Variants in ZMPSTE24 observed in about 807,000 individuals in gnomAD.
ZMPSTE24 encodes CAAX prenyl protease 1 homolog.
Under a neutral mutation model 56.7 loss-of-function variants are expected in ZMPSTE24, and 48 were observed. The observed-to-expected ratio is 0.85, with a 90% confidence interval of 0.67 to 1.08. The LOEUF is 1.08. ZMPSTE24 is among the 50% of genes least tolerant of loss of function. The pLI, the probability that ZMPSTE24 is intolerant of heterozygous loss-of-function variation, is 0.00. For synonymous variants in ZMPSTE24, 172 were observed against 195.2 expected (o/e 0.88, Z 0.99); for missense variants, 503 against 548.7 (o/e 0.92, Z 0.83).
In ZMPSTE24 at chr1:40,271,995, G is replaced by C. The variant is rs757089098; in HGVS notation, c.729G>C (p.Lys243Asn). 9 of 1,613,044 alleles carry C rather than the reference G, an allele frequency of 5.6e-6. No individual in the cohort carries two copies. The highest frequency in any genetic ancestry group is 7.6e-6 in the Non-Finnish European group (9 of 1,179,380). ...KLKEEIEVMA[K>N]SIDFPLTKVY... Reference sequence around the variant, plus strand: ...AAGAAGAAATTGAAGTAATGGCAAAGAGTATTGACTTTCCTTTGACGAAGG... The same window carrying C: ...AAGAAGAAATTGAAGTAATGGCAAACAGTATTGACTTTCCTTTGACGAAGG... The change falls in exon 6 of 10, where the codon AAG (lysine) becomes AAC (asparagine). Residue 243 changes from lysine to asparagine, a missense_variant. By Grantham distance (94) the Lys-to-Asn change is moderately conservative (BLOSUM62 0). Coordinates refer to ENST00000372759, the MANE Select transcript of ZMPSTE24 (RefSeq NM_005857.5).
At chr1:40,269,347 A>G (rs1377801295) in intron 4 of ZMPSTE24, among the ~76,000 whole-genome samples, 1 of 151,872 alleles carries the variant, frequency 6.6e-6, no homozygotes, top group Non-Finnish European at 1.5e-5. Context: ...GTGAGCCATC[A>G]TTGTGCCACT....
At chr1:40,279,252 A>C (rs1019098690) in intron 6 of ZMPSTE24, among the ~76,000 whole-genome samples, 1 of 152,198 alleles carries the variant, frequency 6.6e-6, no homozygotes, top group Non-Finnish European at 1.5e-5. Flanking sequence ...AAAATCTATA[A>C]TTTTAGAATT....
chr1:40,292,734 C>CT lies in ZMPSTE24; in HGVS notation c.*67dup. ...TCTGTCCTGGCAGCATGTTCCAGCT[C>CT]TTGATGTTTTTAAACTTTTTTTTAG... is the stretch of plus-strand genomic sequence containing the variant. On this transcript the variant is annotated 3_prime_UTR_variant, in exon 10 of 10. Coordinates refer to ENST00000372759, the MANE Select transcript of ZMPSTE24 (RefSeq NM_005857.5). 1 of 1,516,254 alleles carries CT rather than the reference C, an allele frequency of 6.6e-7. No homozygotes were observed. The highest frequency in any genetic ancestry group is 2.3e-5 in the East Asian group (1 of 44,308). 93.9% of individuals were successfully genotyped at this position (1,516,254 alleles called of 1,614,324 possible).
chr1:40,260,778 C>A, intron 1 of ZMPSTE24, 61 bp from the exon 2 acceptor site: 2 of 1,554,160 alleles, frequency 1.3e-6, no homozygotes, highest in Non-Finnish European at 1.8e-6. Context: ...GATGTTTGAT[C>A]ATAAATGACT....
chr1:40,276,733 C>T lies in ZMPSTE24; in HGVS notation c.770-4610C>T, dbSNP rs551012848. ...TCGTTGTCATGCAAACACCATTATA[C>T]TCATACAAACCTAGATGGTGTTACC... On this transcript the variant is annotated intron_variant, in intron 6 of 9. Coordinates refer to ENST00000372759, the MANE Select transcript of ZMPSTE24 (RefSeq NM_005857.5). Among the ~76,000 whole-genome samples the T allele has an allele frequency of 2.0e-5, 3 of 152,318 alleles. No homozygotes were observed. In the East Asian group the frequency reaches 5.8e-4, roughly 29 times the overall value.
intron 2 of ZMPSTE24, among the ~76,000 whole-genome samples, chr1:40,267,333 T>TACTGGCCTC (rs1643560276): frequency 1.1e-4 from 4 of 37,442 alleles, no homozygotes; most frequent in Non-Finnish European, 1.2e-4. Flanking sequence ...TTTTATTTTG[T>TACTGGCCTC]TATTTTATTT....
At chr1:40,270,989 A>G (rs896353148) in intron 5 of ZMPSTE24, among the ~76,000 whole-genome samples, 12 of 152,100 alleles carry the variant, frequency 7.9e-5, no homozygotes, top group African/African-American at 2.9e-4. Flanking sequence ...AAATGAAAAA[A>G]CCCAAAGTGG....
At position 40,292,637 on chromosome 1, in the gene ZMPSTE24, C is replaced by T. The variant is rs752421867; in HGVS notation, c.1396C>T (p.Leu466Phe). Residue 466 changes from leucine (L) to phenylalanine (F), a missense_variant, in exon 10 of 10, where the codon CTT (leucine) becomes TTT (phenylalanine). Transcript: ENST00000372759. ...TTCTCATCCTCCACTGCTAGAGAGA[C>T]TTCAAGCTTTGAAAACTATGAAGCA... ...HYSHPPLLERLQALKTMKQH is the reference protein window; with the variant it reads ...HYSHPPLLERFQALKTMKQH 10 of 1,613,936 alleles carry T rather than the reference C, an allele frequency of 6.2e-6. No individual in the cohort carries two copies.
intron 5 of ZMPSTE24, 30 bp downstream of exon 5, chr1:40,270,157 T>G (rs768368636): frequency 6.2e-7 from 1 of 1,612,572 alleles, no homozygotes. Context: ...CGTTTTCTTT[T>G]GCAAAAGTTC....
intron 7 of ZMPSTE24, among the ~76,000 whole-genome samples, chr1:40,281,835 A>G (rs1191747155): frequency 6.6e-6 from 1 of 152,132 alleles, no homozygotes; most frequent in Non-Finnish European, 1.5e-5. Context: ...GTGTATATAT[A>G]TATATAATTT....
intron 2 of ZMPSTE24, among the ~76,000 whole-genome samples, chr1:40,262,207 TAAC>T (rs1643504460): frequency 6.6e-6 from 1 of 152,244 alleles, no homozygotes; most frequent in Non-Finnish European, 1.5e-5. Context: ...AAATTTTTCT[TAAC>T]AAGTATGGAA....
chr1:40,276,355 G>C (rs1643671568), intron 6 of ZMPSTE24, among the ~76,000 whole-genome samples: 1 of 152,142 alleles, frequency 6.6e-6, no homozygotes, highest in South Asian at 2.1e-4. Context: ...AGGGGACCAG[G>C]GTCAGAGTCA....
chr1:40,273,038 A>G (rs1643627839), intron 6 of ZMPSTE24, among the ~76,000 whole-genome samples: 2 of 152,232 alleles, frequency 1.3e-5, no homozygotes, highest in Non-Finnish European at 2.9e-5. Context: ...ATGAAAATAA[A>G]TGGCAGATTG....
At chr1:40,264,299 ACTC>A (rs1569619094) in intron 2 of ZMPSTE24, among the ~76,000 whole-genome samples, 1 of 152,174 alleles carries the variant, frequency 6.6e-6, no homozygotes. Context: ...GCAACACTGC[ACTC>A]CAGCCTGGGT....
At chr1:40,273,538 AT>A (rs1280952180) in intron 6 of ZMPSTE24, among the ~76,000 whole-genome samples, 236 of 17,338 alleles carry the variant, frequency 0.014, 13 homozygotes, top group Middle Eastern at 0.05. Context: ...AAAAAAAAAA[AT>A]ATATATATAT....
chr1:40,292,649 A>G lies in ZMPSTE24; in HGVS notation c.1408A>G (p.Lys470Glu), dbSNP rs1422469930. The G allele has an allele frequency of 1.2e-6, 2 of 1,613,876 alleles. No homozygotes were observed. The highest frequency in any genetic ancestry group is 2.7e-5 in the African/African-American group (2 of 74,924). ...ACTGCTAGAGAGACTTCAAGCTTTG[A>G]AAACTATGAAGCAACACTGAGATGT... The part of the protein sequence containing the change: ...PPLLERLQAL[K>E]TMKQH The change falls in exon 10 of 10, where the codon AAA (lysine) becomes GAA (glutamate). Residue 470 changes from lysine (K) to glutamate (E), a missense_variant. Lys to Glu is a moderately conservative substitution (Grantham distance 56). Transcript: ENST00000372759.
At chr1:40,262,329 A>T (rs920530135) in intron 2 of ZMPSTE24, among the ~76,000 whole-genome samples, 1 of 152,248 alleles carries the variant, frequency 6.6e-6, no homozygotes, top group Non-Finnish European at 1.5e-5. Context: ...GTATTTAGAA[A>T]AATTAATAAA....
At chr1:40,276,923 A>G (rs543260114) in intron 6 of ZMPSTE24, among the ~76,000 whole-genome samples, 2 of 152,308 alleles carry the variant, frequency 1.3e-5, no homozygotes, top group Admixed American at 1.3e-4. Context: ...TACGGTGGCT[A>G]TGAGGTCACT....
intron 7 of ZMPSTE24, among the ~76,000 whole-genome samples, chr1:40,285,620 A>G (rs964751123): frequency 1.1e-4 from 16 of 151,930 alleles, no homozygotes; most frequent in African/African-American, 3.4e-4. Context: ...TTATTTAACT[A>G]TTGTCCCATT....
Sources: gnomAD v4.1 joint callset for allele counts (sites outside exome capture counted in the v4.1 genomes callset) on GRCh38, gnomAD v4.1.1 for gene constraint, MANE v1.5 for transcripts, NCBI Gene and HGNC (gene_info 2026-07-23, HGNC 2026-07-21) for gene names.